The following TMTC2 variants were observed in gnomAD, a reference collection of about 807,000 sequenced individuals.
TMTC2 encodes the protein transmembrane O-mannosyltransferase targeting cadherins 2, also known as protein O-mannosyl-transferase TMTC2.
A neutral mutation model predicts 82.4 loss-of-function variants in TMTC2; 43 were observed. The ratio of observed to expected loss-of-function variants is 0.52; its 90% CI spans 0.41 to 0.67. TMTC2 has a LOEUF of 0.67. TMTC2 is among the 30% of genes least tolerant of loss of function. TMTC2 has a pLI of 0.00. For synonymous variants in TMTC2, 408 were observed against 381.9 expected, an observed-to-expected ratio of 1.07 and a Z score of -0.80; for missense variants, 919 against 1,012.4, an observed-to-expected ratio of 0.91 and a Z score of 1.25.
intron 8 of TMTC2, among the ~76,000 whole-genome samples, chr12:83,010,985 ACTC>A (rs1221237833): frequency 1.3e-5 from 2 of 151,738 alleles, no homozygotes; most frequent in Non-Finnish European, 2.9e-5. Flanking sequence ...CAGATGTGTG[ACTC>A]CATGCCCAGC....
At chr12:82,898,574 A>T (rs904581218) in intron 3 of TMTC2, among the ~76,000 whole-genome samples, 1 of 152,196 alleles carries the variant, frequency 6.6e-6, no homozygotes, top group African/African-American at 2.4e-5. Context: ...AGATGGCGCC[A>T]TGGGTTCTCA....
chr12:82,869,574 T>C (rs575601116), intron 2 of TMTC2, among the ~76,000 whole-genome samples: 1 of 152,286 alleles, frequency 6.6e-6, no homozygotes, highest in Non-Finnish European at 1.5e-5. Context: ...GCATGGTGAC[T>C]CACACTTGTA....
chr12:82,981,707 A>G (rs1039058935), intron 7 of TMTC2, among the ~76,000 whole-genome samples: 5 of 151,788 alleles, frequency 3.3e-5, no homozygotes, highest in Non-Finnish European at 5.9e-5. Context: ...ATATGACTTA[A>G]CCTTTATCTC....
chr12:83,115,708 T>G (rs772948021), intron 11 of TMTC2, among the ~76,000 whole-genome samples: 1 of 152,162 alleles, frequency 6.6e-6, no homozygotes, highest in East Asian at 1.9e-4. Flanking sequence ...CATGAGTAAG[T>G]TTTTTAGTGG....
At chr12:83,000,462 T>A (rs1176098065) in intron 8 of TMTC2, among the ~76,000 whole-genome samples, 3 of 152,186 alleles carry the variant, frequency 2.0e-5, no homozygotes, top group East Asian at 1.9e-4. Context: ...AGCTCCATAA[T>A]GATCTCCTTT....
intron 1 of TMTC2, among the ~76,000 whole-genome samples, chr12:82,774,084 T>C (rs1019030557): frequency 6.6e-6 from 1 of 152,054 alleles, no homozygotes; most frequent in African/African-American, 2.4e-5. Flanking sequence ...TGAAGAACAA[T>C]GAAGAGAAAT....
At chr12:82,699,987 G>T (rs1872994708) in intron 1 of TMTC2, among the ~76,000 whole-genome samples, 1 of 152,026 alleles carries the variant, frequency 6.6e-6, no homozygotes, top group African/African-American at 2.4e-5. Flanking sequence ...CTTGTATTAG[G>T]TATTGTAATC....
rs180718842 is a variant in TMTC2 at position 82,690,491 on chromosome 12, T to G, written c.83+2822T>G. ...GTTTACTTTATAAACTATATATAAT[T>G]TCTTTCCATGTTTGATGTAGCTTGG... is the stretch of plus-strand genomic sequence containing the variant. On this transcript the variant is annotated intron_variant, in intron 1 of 11. Coordinates refer to ENST00000321196, the MANE Select transcript of TMTC2 (RefSeq NM_152588.3). 8 of 829,256 alleles carry G rather than the reference T, an allele frequency of 9.6e-6. No individual in the cohort carries two copies. The Admixed American group carries it at 5.0e-4, about 52-fold the overall frequency. 51.4% of individuals were successfully genotyped at this position (829,256 alleles called of 1,614,324 possible).
At chr12:83,005,556 G>C (rs58550972) in intron 8 of TMTC2, among the ~76,000 whole-genome samples, 2,419 of 152,124 alleles carry the variant, frequency 0.016, 78 homozygotes, top group African/African-American at 0.056. Flanking sequence ...TGAGAGTGAC[G>C]GCTCTTACCC....
chr12:83,032,257 TTATATATATATATATATATA>T (rs57604518), intron 9 of TMTC2, among the ~76,000 whole-genome samples: 1,612 of 130,828 alleles, frequency 0.012, 57 homozygotes, highest in African/African-American at 0.045. Flanking sequence ...AGAGAATATT[TTATATATATATATATATATA>T]TATATATATA....
intron 1 of TMTC2, among the ~76,000 whole-genome samples, chr12:82,688,806 C>G (rs1045607172): frequency 6.6e-6 from 1 of 152,150 alleles, no homozygotes; most frequent in Admixed American, 6.5e-5. Flanking sequence ...AGAGCACTTA[C>G]GCAAAGTGGT....
chr12:82,722,521 C>T (rs1279617453), intron 1 of TMTC2, among the ~76,000 whole-genome samples: 3 of 138,124 alleles, frequency 2.2e-5, no homozygotes, highest in African/African-American at 5.5e-5. Flanking sequence ...GAGCAGAGAT[C>T]CTGCCACTGC....
At chr12:83,116,390 G>A (rs1884763394) in intron 11 of TMTC2, among the ~76,000 whole-genome samples, 1 of 152,170 alleles carries the variant, frequency 6.6e-6, no homozygotes, top group South Asian at 2.1e-4. Context: ...TTGTGCTGCT[G>A]TAAACATGCA....
At chr12:82,799,911 G>A (rs1351642655) in intron 1 of TMTC2, among the ~76,000 whole-genome samples, 1 of 152,044 alleles carries the variant, frequency 6.6e-6, no homozygotes, top group African/African-American at 2.4e-5. Flanking sequence ...AGCAGGTGTT[G>A]TTTCTTTGTC....
intron 3 of TMTC2, among the ~76,000 whole-genome samples, chr12:82,921,960 G>A (rs912471585): frequency 2.7e-5 from 4 of 149,876 alleles, no homozygotes; most frequent in Non-Finnish European, 5.9e-5. Context: ...AAAAAAAAAA[G>A]GCCAGTCATG....
chr12:82,712,476 G>A (rs1378460030), intron 1 of TMTC2, among the ~76,000 whole-genome samples: 2 of 149,868 alleles, frequency 1.3e-5, no homozygotes, highest in Admixed American at 6.6e-5. Flanking sequence ...TGATGGCAGT[G>A]TGAGTGCTGC....
chr12:82,777,776 T>G (rs1232966655), intron 1 of TMTC2, among the ~76,000 whole-genome samples: 1 of 152,174 alleles, frequency 6.6e-6, no homozygotes, highest in Non-Finnish European at 1.5e-5. Context: ...TTCCCATTCC[T>G]CAGCTGAAAT....
At chr12:83,005,078 C>A (rs949491586) in intron 8 of TMTC2, among the ~76,000 whole-genome samples, 3 of 151,726 alleles carry the variant, frequency 2.0e-5, no homozygotes, top group Non-Finnish European at 2.9e-5. Flanking sequence ...GTGGTGTGCG[C>A]CTGTAATCCC....
intron 8 of TMTC2, among the ~76,000 whole-genome samples, chr12:83,001,475 T>TA (rs35053452): frequency 0.77 from 115,622 of 150,980 alleles, 45,800 homozygotes; most frequent in South Asian, 0.93. Context: ...CCGTCTCTAC[T>TA]AAAAACAAAA....
Sources: gnomAD v4.1 joint callset for allele counts (sites outside exome capture counted in the v4.1 genomes callset) on GRCh38, gnomAD v4.1.1 for gene constraint, MANE v1.5 for transcripts, NCBI Gene and HGNC (gene_info 2026-07-23, HGNC 2026-07-21) for gene names.